ATAD2B: variants seen among roughly 807,000 people sequenced by gnomAD.
The protein encoded by ATAD2B is ATPase family AAA domain containing 2B.
In ATAD2B, 40 loss-of-function variants were observed where a neutral mutation model predicts 167.6. The ratio of observed to expected loss-of-function variants is 0.24; its 90% CI spans 0.19 to 0.31. The LOEUF (loss-of-function observed/expected upper bound fraction) is 0.31, where lower values mean the gene tolerates loss of function less well. Among genes scored for constraint, ATAD2B ranks in the 10% least tolerant of loss-of-function variants. The pLI is 1.00. For missense variants in ATAD2B, 1,242 were observed against 1,757.2 expected (o/e 0.71, Z 5.24); for synonymous variants, 579 against 596.5 (o/e 0.97, Z 0.43).
At chr2:23,768,277 T>C (rs1452992172) in intron 22 of ATAD2B, among the ~76,000 whole-genome samples, 1 of 152,096 alleles carries the variant, frequency 6.6e-6, no homozygotes, top group Non-Finnish European at 1.5e-5. Flanking sequence ...ATCGTGCCCG[T>C]AGTCAAAGCA....
chr2:23,869,584 G>A, intron 9 of ATAD2B, 79 bp downstream of exon 9: 1 of 956,000 alleles, frequency 1.0e-6, no homozygotes. Context: ...GAATATCAAT[G>A]TTAGCAAAGA....
Position 23,754,637 on chromosome 2 carries a change from C to G in ATAD2B, c.4206+10G>C. On this transcript the variant is annotated intron_variant, in intron 26 of 27. Coordinates refer to ENST00000238789, the MANE Select transcript of ATAD2B (RefSeq NM_017552.4). ...TCATTTAAAACTTGACTGGGAATAG[C>G]TAAGCTTACCTTCAATCTCTCACGA... 6.2e-7 allele frequency: 1 copy of G among 1,608,558 alleles called. No homozygotes were observed. Among genetic ancestry groups the G allele is most frequent in the Non-Finnish European group, 8.5e-7 (1 of 1,177,930 alleles).
intron 17 of ATAD2B, among the ~76,000 whole-genome samples, chr2:23,818,223 G>A (rs1686842059): frequency 4.3e-5 from 1 of 23,344 alleles, no homozygotes; most frequent in African/African-American, 1.6e-4. Context: ...GGGAGGGAGG[G>A]AAGAAGAGAG....
chr2:23,770,316 A>G (rs1209128909), intron 22 of ATAD2B, among the ~76,000 whole-genome samples: 1 of 50,682 alleles, frequency 2.0e-5, no homozygotes, highest in Non-Finnish European at 3.8e-5. Flanking sequence ...TCTGTCTCCA[A>G]AAAATAAATA....
In ATAD2B at chr2:23,754,193, A is replaced by G; in HGVS notation, c.4321T>C (p.Ser1441Pro). 1 of 1,537,736 alleles carries G rather than the reference A, an allele frequency of 6.5e-7. No homozygotes were observed. The highest frequency in any genetic ancestry group is 8.8e-7 in the Non-Finnish European group (1 of 1,142,374). ...IYRHRKDYDK[S>P]QLVEEMERTV... ...TAAACACTTACCTCTACAAGTTGTG[A>G]TTTGTCATAATCTTTACGATGACGG... The change falls in exon 27 of 28, where the codon TCA becomes CCA. Residue 1441 changes from serine (S) to proline (P), a missense_variant. Physicochemically the swap from Ser to Pro is moderately conservative, Grantham distance 74 (BLOSUM62 -1). Coordinates refer to ENST00000238789, the MANE Select transcript of ATAD2B (RefSeq NM_017552.4).
intron 22 of ATAD2B, among the ~76,000 whole-genome samples, chr2:23,782,112 C>T (rs1680161999): frequency 6.6e-6 from 1 of 152,206 alleles, no homozygotes; most frequent in Non-Finnish European, 1.5e-5. Flanking sequence ...CCACCACACC[C>T]AGCCAACTTC....
chr2:23,709,040 CTTT>C, the ATAD2B span, among the ~76,000 whole-genome samples: 2 of 151,384 alleles, frequency 1.3e-5, no homozygotes, highest in Non-Finnish European at 3.0e-5. Context: ...CTTTTCTTTT[CTTT>C]TTTTCTTTTT....
chr2:23,905,340 G>T (rs1054524172), intron 1 of ATAD2B, among the ~76,000 whole-genome samples: 1 of 152,074 alleles, frequency 6.6e-6, no homozygotes, highest in Non-Finnish European at 1.5e-5. Flanking sequence ...CAACAAAGGA[G>T]ACTCTGAGAC....
chr2:23,905,485 CTG>C, intron 1 of ATAD2B, among the ~76,000 whole-genome samples: 1 of 152,174 alleles, frequency 6.6e-6, no homozygotes, highest in South Asian at 2.1e-4. Context: ...GATTACACCA[CTG>C]CACTCCAGCT....
At chr2:23,693,811 A>T in the ATAD2B span, among the ~76,000 whole-genome samples, 1 of 152,180 alleles carries the variant, frequency 6.6e-6, no homozygotes, top group Non-Finnish European at 1.5e-5. Flanking sequence ...GCTCCCAGGA[A>T]CACGGACCCA....
intron 10 of ATAD2B, among the ~76,000 whole-genome samples, chr2:23,866,829 G>A (rs1695211775): frequency 6.6e-6 from 1 of 152,118 alleles, no homozygotes; most frequent in Non-Finnish European, 1.5e-5. Context: ...TGTATAGAGA[G>A]ATTTTTGGGA....
intron 15 of ATAD2B, among the ~76,000 whole-genome samples, chr2:23,827,525 A>C (rs1050144774): frequency 2.6e-5 from 4 of 152,208 alleles, no homozygotes; most frequent in Admixed American, 2.0e-4. Flanking sequence ...ATTTCAGTTA[A>C]GGATCATTCT....
chr2:23,835,006 T>A (rs1371156574), intron 13 of ATAD2B, among the ~76,000 whole-genome samples: 1 of 152,196 alleles, frequency 6.6e-6, no homozygotes, highest in Non-Finnish European at 1.5e-5. Flanking sequence ...CCAAATGAGA[T>A]GCCACTTCCA....
intron 8 of ATAD2B, chr2:23,872,818 G>C (rs1020745690): frequency 6.8e-6 from 7 of 1,022,378 alleles, no homozygotes; most frequent in Non-Finnish European, 1.1e-5. Context: ...AGAGGGTCCA[G>C]ATTGCTCTCT....
chr2:23,889,300 T>C (rs764252561), intron 2 of ATAD2B, among the ~76,000 whole-genome samples: 42 of 152,100 alleles, frequency 2.8e-4, no homozygotes, highest in Non-Finnish European at 5.4e-4. Context: ...CCCAAGTAGC[T>C]GGAATTACAG....
chr2:23,760,695 T>TAC (rs745974065), intron 24 of ATAD2B, among the ~76,000 whole-genome samples: 3,363 of 76,386 alleles, frequency 0.044, 95 homozygotes, highest in East Asian at 0.23. Flanking sequence ...TAAATTTATA[T>TAC]ATATACACAC....
chr2:23,892,574 C>A (rs1699689502), intron 2 of ATAD2B, among the ~76,000 whole-genome samples: 1 of 151,716 alleles, frequency 6.6e-6, no homozygotes, highest in Non-Finnish European at 1.5e-5. Flanking sequence ...CAGGTTCAAG[C>A]AATTCTCGTG....
intron 13 of ATAD2B, among the ~76,000 whole-genome samples, chr2:23,837,200 G>A (rs1690128833): frequency 6.6e-6 from 1 of 152,240 alleles, no homozygotes; most frequent in Admixed American, 6.5e-5. Context: ...AACCCCAAGA[G>A]TGCGCACAAC....
chr2:23,729,621 T>C, the ATAD2B span, among the ~76,000 whole-genome samples: 1 of 152,098 alleles, frequency 6.6e-6, no homozygotes, highest in African/African-American at 2.4e-5. Flanking sequence ...AAATTAAGTA[T>C]TTGCACTAAA....
Sources: allele counts gnomAD v4.1 joint callset (sites outside exome capture counted in the v4.1 genomes callset), GRCh38; gene constraint gnomAD v4.1.1; transcripts MANE v1.5; gene names NCBI Gene and HGNC (gene_info 2026-07-23, HGNC 2026-07-21).